CNOT6L: variants seen among roughly 807,000 people sequenced by gnomAD.
The protein encoded by CNOT6L is CCR4-NOT transcription complex subunit 6-like.
CNOT6L carries 7 observed loss-of-function variants against 64.0 expected under a neutral mutation model. That is an observed-to-expected ratio of 0.11 (90% CI 0.06 to 0.21). The LOEUF is 0.21. Ranked by LOEUF, CNOT6L falls within the 10% of genes least tolerant of loss-of-function variation. CNOT6L has a pLI of 1.00. For synonymous variants in CNOT6L, 193 were observed against 243.4 expected (o/e 0.79, Z 1.93); for missense variants, 245 against 669.0 (o/e 0.37, Z 6.99).
chr4:77,779,540 TCTTC>T (rs1728607426), intron 1 of CNOT6L, among the ~76,000 whole-genome samples: 1 of 151,932 alleles, frequency 6.6e-6, no homozygotes, highest in Non-Finnish European at 1.5e-5. Flanking sequence ...TTATGAAATC[TCTTC>T]CTTAAAAAAA....
intron 4 of CNOT6L, among the ~76,000 whole-genome samples, chr4:77,767,226 C>T (rs1726951606): frequency 6.6e-6 from 1 of 151,334 alleles, no homozygotes; most frequent in Non-Finnish European, 1.5e-5. Flanking sequence ...ACAAAGAGCC[C>T]AAATTCATGA....
chr4:77,798,107 C>G (rs1731076568), intron 1 of CNOT6L, among the ~76,000 whole-genome samples: 1 of 152,132 alleles, frequency 6.6e-6, no homozygotes, highest in African/African-American at 2.4e-5. Context: ...AGGAGAAGCA[C>G]TTGAGACCAG....
intron 5 of CNOT6L, among the ~76,000 whole-genome samples, chr4:77,749,174 G>C (rs1186132865): frequency 6.6e-6 from 1 of 152,122 alleles, no homozygotes; most frequent in Non-Finnish European, 1.5e-5. Flanking sequence ...CTTTAAAACT[G>C]TCACTTTATT....
At chr4:77,797,475 T>C (rs1264207906) in intron 1 of CNOT6L, among the ~76,000 whole-genome samples, 1 of 152,222 alleles carries the variant, frequency 6.6e-6, no homozygotes, top group Non-Finnish European at 1.5e-5. Flanking sequence ...CTGTTTAGTA[T>C]ACCTGCCTAT....
rs191362561 is a variant in CNOT6L, at chr4:77,732,013, C to G, written c.873-475G>C. 1.2e-3 allele frequency: 182 copies of G among 152,780 alleles called. 1 individual carries two copies. The highest frequency in any genetic ancestry group is 2.0e-3 in the Non-Finnish European group (138 of 68,410). 9.5% of individuals were successfully genotyped at this position (152,780 alleles called of 1,614,324 possible). A position where few individuals can be genotyped will look rare whatever the true frequency, so the allele number is the denominator to read the frequency against. ...TAATGAGAAAAAGATAAAAAGAATA[C>G]AATCCACCTACCCTGTTTGTAGTTT... is the stretch of plus-strand genomic sequence containing the variant. On this transcript the variant is annotated intron_variant, in intron 8 of 11. Transcript: ENST00000504123.
intron 1 of CNOT6L, among the ~76,000 whole-genome samples, chr4:77,798,553 G>C (rs780974363): frequency 6.6e-6 from 1 of 152,084 alleles, no homozygotes; most frequent in Non-Finnish European, 1.5e-5. Flanking sequence ...ACCACAATGA[G>C]ATTCTACTCT....
At chr4:77,790,285 CCA>C (rs1444830564) in intron 1 of CNOT6L, among the ~76,000 whole-genome samples, 1 of 152,148 alleles carries the variant, frequency 6.6e-6, no homozygotes, top group Non-Finnish European at 1.5e-5. Context: ...TCTGGATGTA[CCA>C]CAGTTTATTT....
chr4:77,767,702 G>A (rs1406128454), intron 4 of CNOT6L, among the ~76,000 whole-genome samples: 1 of 151,454 alleles, frequency 6.6e-6, no homozygotes, highest in East Asian at 1.9e-4. Context: ...ACAAGGGCCA[G>A]GTGCAGTGGC....
chr4:77,754,884 G>A (rs1210778152), intron 5 of CNOT6L, among the ~76,000 whole-genome samples: 6 of 4,936 alleles, frequency 1.2e-3, no homozygotes, highest in South Asian at 6.1e-3. Flanking sequence ...CTAAACATTA[G>A]AAGTAAAAAA....
At chr4:77,776,654 T>TC (rs1259299174) in intron 1 of CNOT6L, among the ~76,000 whole-genome samples, 1 of 152,200 alleles carries the variant, frequency 6.6e-6, no homozygotes, top group Non-Finnish European at 1.5e-5. Context: ...TATGGTTGCT[T>TC]CCTAACTCCT....
intron 1 of CNOT6L, among the ~76,000 whole-genome samples, chr4:77,780,244 G>A (rs570650269): frequency 1.3e-5 from 2 of 152,300 alleles, no homozygotes; most frequent in Admixed American, 6.5e-5. Context: ...ATCCAAGAAA[G>A]AGAAATGTTT....
intron 4 of CNOT6L, among the ~76,000 whole-genome samples, chr4:77,765,755 A>C (rs1726754986): frequency 6.6e-6 from 1 of 152,196 alleles, no homozygotes; most frequent in Non-Finnish European, 1.5e-5. Context: ...GATACTGAGT[A>C]ATTTCTATAA....
intron 5 of CNOT6L, among the ~76,000 whole-genome samples, chr4:77,753,384 A>G (rs1725071201): frequency 6.6e-6 from 1 of 152,128 alleles, no homozygotes; most frequent in African/African-American, 2.4e-5. Flanking sequence ...AAAAAATCCT[A>G]TATAGGCTGG....
At chr4:77,786,486 T>TAA (rs1338131844) in intron 1 of CNOT6L, among the ~76,000 whole-genome samples, 13 of 152,080 alleles carry the variant, frequency 8.5e-5, no homozygotes, top group African/African-American at 2.7e-4. Flanking sequence ...AAAAAAAATT[T>TAA]TTTTTGAGAC....
intron 1 of CNOT6L, among the ~76,000 whole-genome samples, chr4:77,799,288 G>A (rs181807565): frequency 6.6e-6 from 1 of 152,238 alleles, no homozygotes; most frequent in East Asian, 1.9e-4. Context: ...TGCTGGGAAT[G>A]GTGGCACGCA....
intron 1 of CNOT6L, among the ~76,000 whole-genome samples, chr4:77,789,254 T>C (rs1729809722): frequency 6.6e-6 from 1 of 151,998 alleles, no homozygotes; most frequent in African/African-American, 2.4e-5. Context: ...AAGGAAAAAC[T>C]TAAGATATCC....
chr4:77,749,171 A>G (rs1577944984), intron 5 of CNOT6L, among the ~76,000 whole-genome samples: 2 of 152,146 alleles, frequency 1.3e-5, no homozygotes, highest in Admixed American at 6.5e-5. Flanking sequence ...GATCTTTAAA[A>G]CTGTCACTTT....
intron 1 of CNOT6L, among the ~76,000 whole-genome samples, chr4:77,789,018 A>G (rs1729779938): frequency 6.6e-6 from 1 of 152,132 alleles, no homozygotes; most frequent in Admixed American, 6.6e-5. Flanking sequence ...CCCCTTCCAC[A>G]CATCACTAGT....
chr4:77,744,931 C>A (rs1724025975), intron 6 of CNOT6L, 56 bp from the exon 7 acceptor site: 1 of 1,474,774 alleles, frequency 6.8e-7, no homozygotes, highest in African/African-American at 1.4e-5. Flanking sequence ...GCAACTTTTT[C>A]TAAAGCAATA....
Sources: allele counts gnomAD v4.1 joint callset (sites outside exome capture counted in the v4.1 genomes callset), GRCh38; gene constraint gnomAD v4.1.1; transcripts MANE v1.5; gene names NCBI Gene and HGNC (gene_info 2026-07-23, HGNC 2026-07-21).